Variants in MED12L observed in about 807,000 individuals in gnomAD.
The protein encoded by MED12L is mediator of RNA polymerase II transcription subunit 12-like protein.
MED12L carries 60 observed loss-of-function variants against 281.3 expected under a neutral mutation model. The observed-to-expected ratio is 0.21, with a 90% CI of 0.17 to 0.26. The LOEUF (loss-of-function observed/expected upper bound fraction) is 0.26, where lower values mean the gene tolerates loss of function less well. MED12L is among the 10% of genes least tolerant of loss of function. MED12L has a pLI of 1.00. For missense variants in MED12L, 2,146 were observed against 2,680.9 expected, an observed-to-expected ratio of 0.80 and a Z score of 4.41; for synonymous variants, 974 against 987.2, an observed-to-expected ratio of 0.99 and a Z score of 0.25.
intron 32 of MED12L, among the ~76,000 whole-genome samples, chr3:151,380,490 G>A (rs928714034): frequency 8.6e-5 from 13 of 151,716 alleles, no homozygotes; most frequent in African/African-American, 3.1e-4. Context: ...CCAGCTACTC[G>A]GGAGGCCAAG....
At chr3:151,144,896 C>G (rs930818701) in intron 5 of MED12L, among the ~76,000 whole-genome samples, 1 of 152,154 alleles carries the variant, frequency 6.6e-6, no homozygotes, top group Non-Finnish European at 1.5e-5. Flanking sequence ...TGTCCTTACC[C>G]GTCTTCCTCC....
At chr3:151,299,993 C>T in intron 16 of MED12L, 1 of 1,040,912 alleles carries the variant, frequency 9.6e-7, no homozygotes, top group Admixed American at 1.7e-5. Context: ...ATTAAACTCC[C>T]CAAATTCCCA....
intron 16 of MED12L, among the ~76,000 whole-genome samples, chr3:151,194,361 T>C (rs933025452): frequency 6.6e-6 from 1 of 152,122 alleles, no homozygotes; most frequent in African/African-American, 2.4e-5. Flanking sequence ...TTTTGAGGCA[T>C]AGGAAAGACG....
chr3:151,232,208 C>T (rs1405281480), intron 16 of MED12L, among the ~76,000 whole-genome samples: 1 of 152,120 alleles, frequency 6.6e-6, no homozygotes, highest in Non-Finnish European at 1.5e-5. Context: ...CTATATACTC[C>T]TCTATGCCAA....
At chr3:151,306,061 C>T (rs1250267632) in intron 16 of MED12L, among the ~76,000 whole-genome samples, 1 of 152,132 alleles carries the variant, frequency 6.6e-6, no homozygotes, top group East Asian at 1.9e-4. Flanking sequence ...CCTGCCGGGT[C>T]CTACAGTCAG....
chr3:151,219,260 T>C (rs1728852854), intron 16 of MED12L, among the ~76,000 whole-genome samples: 1 of 152,240 alleles, frequency 6.6e-6, no homozygotes, highest in African/African-American at 2.4e-5. Context: ...CAGGGTTCTC[T>C]CTTTGGACAG....
At chr3:151,366,401 C>A (rs1167152207) in intron 23 of MED12L, among the ~76,000 whole-genome samples, 1 of 152,124 alleles carries the variant, frequency 6.6e-6, no homozygotes, top group East Asian at 1.9e-4. Context: ...GTGCAAGGCG[C>A]AGTATACAAA....
chr3:151,219,154 T>A (rs1024649987), intron 16 of MED12L, among the ~76,000 whole-genome samples: 59 of 152,182 alleles, frequency 3.9e-4, no homozygotes, highest in African/African-American at 1.2e-3. Flanking sequence ...TCAATCTGAT[T>A]TAGATAGTGA....
At chr3:151,284,873 G>A (rs1271131399) in intron 16 of MED12L, among the ~76,000 whole-genome samples, 1 of 152,110 alleles carries the variant, frequency 6.6e-6, no homozygotes, top group Non-Finnish European at 1.5e-5. Flanking sequence ...CTCCCAAAGT[G>A]CTGGGATTAC....
intron 24 of MED12L, 131 bp from the exon 25 acceptor site, chr3:151,368,019 G>C (rs1755502173): frequency 2.4e-6 from 2 of 841,854 alleles, no homozygotes; most frequent in East Asian, 5.4e-5. Context: ...AAAATAGCCA[G>C]GGCCTTATTT....
chr3:151,336,235 A>C (rs1750971695), intron 16 of MED12L, among the ~76,000 whole-genome samples: 1 of 152,216 alleles, frequency 6.6e-6, no homozygotes. Flanking sequence ...AGAAATTATT[A>C]CTGCTGTTTA....
chr3:151,127,708 T>C, intron 4 of MED12L, 117 bp from the exon 5 acceptor site: 2 of 701,824 alleles, frequency 2.8e-6, no homozygotes, highest in East Asian at 2.8e-5. Context: ...GGATATACTT[T>C]CTTAGGGCCA....
chr3:151,165,560 G>T, intron 10 of MED12L, 41 bp downstream of exon 10: 1 of 1,510,804 alleles, frequency 6.6e-7, no homozygotes, highest in Non-Finnish European at 9.2e-7. Flanking sequence ...TTGAATGTTG[G>T]ACTTTATGCT....
chr3:151,329,094 T>C (rs1640293330), intron 16 of MED12L: 4 of 926,318 alleles, frequency 4.3e-6, no homozygotes, highest in Non-Finnish European at 6.5e-6. Flanking sequence ...ACAGACTTTA[T>C]GTTTATAGCA....
At chr3:151,424,634 CA>C (rs11304939) in intron 43 of MED12L, among the ~76,000 whole-genome samples, 18,471 of 151,584 alleles carry the variant, frequency 0.12, 1,525 homozygotes, top group East Asian at 0.42. Context: ...AAAAACAAAA[CA>C]AAACAAAACA....
intron 16 of MED12L, among the ~76,000 whole-genome samples, chr3:151,209,321 T>A (rs1278284486): frequency 5.3e-5 from 8 of 152,190 alleles, no homozygotes; most frequent in Admixed American, 1.3e-4. Flanking sequence ...ACATGTAATA[T>A]TTATCACATA....
intron 25 of MED12L, 115 bp downstream of exon 25, chr3:151,368,366 T>TG (rs1358499581): frequency 2.2e-5 from 18 of 807,598 alleles, no homozygotes; most frequent in Non-Finnish European, 2.9e-5. Flanking sequence ...GGGCATGCCC[T>TG]GGGGGTGATG....
intron 16 of MED12L, among the ~76,000 whole-genome samples, chr3:151,314,777 C>G (rs892068490): frequency 5.3e-5 from 8 of 152,124 alleles, no homozygotes; most frequent in Admixed American, 2.0e-4. Context: ...TCACCTGGAT[C>G]GTGGGAATCT....
intron 16 of MED12L, among the ~76,000 whole-genome samples, chr3:151,210,042 A>C (rs537957300): frequency 2.0e-5 from 3 of 152,158 alleles, no homozygotes; most frequent in Non-Finnish European, 2.9e-5. Flanking sequence ...CATGGTGTCA[A>C]TTTCAACTCA....
Sources: gnomAD v4.1 joint callset for allele counts (sites outside exome capture counted in the v4.1 genomes callset) on GRCh38, gnomAD v4.1.1 for gene constraint, MANE v1.5 for transcripts, NCBI Gene and HGNC (gene_info 2026-07-23, HGNC 2026-07-21) for gene names.